CERS6: variants seen among roughly 807,000 people sequenced by gnomAD.
CERS6 encodes the protein LAG1 homolog, ceramide synthase 6.
Under a neutral mutation model 56.8 loss-of-function variants are expected in CERS6, and 26 were observed. That is an observed-to-expected ratio of 0.46 (90% CI 0.34 to 0.63). CERS6 has a LOEUF of 0.63. Ranked by LOEUF, CERS6 falls within the 30% of genes least tolerant of loss-of-function variation. CERS6 has a pLI of 0.01. For synonymous variants in CERS6, 164 were observed against 173.3 expected, an observed-to-expected ratio of 0.95 and a Z score of 0.42; for missense variants, 415 against 467.5, an observed-to-expected ratio of 0.89 and a Z score of 1.04.
intron 4 of CERS6, among the ~76,000 whole-genome samples, chr2:168,677,153 A>T (rs902985515): frequency 6.6e-6 from 1 of 151,722 alleles, no homozygotes; most frequent in Non-Finnish European, 1.5e-5. Context: ...ATTTCTCCTG[A>T]CGCTATCCCT....
At chr2:168,586,692 G>C (rs1441258785) in intron 3 of CERS6, among the ~76,000 whole-genome samples, 1 of 152,080 alleles carries the variant, frequency 6.6e-6, no homozygotes, top group Non-Finnish European at 1.5e-5. Context: ...ATTCAGGCTT[G>C]AATTCTGTCT....
chr2:168,635,449 G>A (rs1684841475), intron 4 of CERS6, among the ~76,000 whole-genome samples: 1 of 152,144 alleles, frequency 6.6e-6, no homozygotes, highest in Non-Finnish European at 1.5e-5. Context: ...ACAGAAAGGA[G>A]CAAGTCCCAT....
intron 8 of CERS6, among the ~76,000 whole-genome samples, chr2:168,732,463 A>G (rs929914030): frequency 6.6e-6 from 1 of 152,188 alleles, no homozygotes; most frequent in Non-Finnish European, 1.5e-5. Flanking sequence ...ACTTAATTCA[A>G]TCTAATATAG....
intron 4 of CERS6, among the ~76,000 whole-genome samples, chr2:168,635,942 T>G (rs1413937296): frequency 6.6e-6 from 1 of 152,216 alleles, no homozygotes. Context: ...GGAACAAGAT[T>G]GTAATTTTTT....
intron 4 of CERS6, among the ~76,000 whole-genome samples, chr2:168,639,305 C>G (rs764161738): frequency 9.9e-5 from 15 of 152,128 alleles, no homozygotes; most frequent in Non-Finnish European, 2.1e-4. Context: ...CTAGTAACTC[C>G]CAGAAGATTC....
rs11396816 is a variant in CERS6, at chr2:168,588,080, A to ATTTTTTT, written c.407+26769_407+26775dup. Among the ~76,000 whole-genome samples the ATTTTTTT allele has an allele frequency of 3.3e-3, 453 of 138,498 alleles. 5 individuals carry two copies. The highest frequency in any genetic ancestry group is 0.011 in the African/African-American group (419 of 37,192). 90.9% of individuals were successfully genotyped at this position (138,498 alleles called of 152,430 possible). Reference sequence around the variant, plus strand: ...AGATGTATGCCACCATACCTGGCTAATTTTTTTTTTTTTTTTTGGTAGAGA... The same window carrying ATTTTTTT: ...AGATGTATGCCACCATACCTGGCTAATTTTTTTTTTTTTTTTTTTTTTTTGGTAGAGA... On this transcript the variant is annotated intron_variant, in intron 3 of 9. Coordinates refer to ENST00000305747, the MANE Select transcript of CERS6 (RefSeq NM_203463.3).
intron 3 of CERS6, among the ~76,000 whole-genome samples, chr2:168,607,146 T>G (rs757720073): frequency 4.6e-5 from 7 of 152,030 alleles, no homozygotes; most frequent in Middle Eastern, 3.4e-3. Context: ...TTAAATGGTT[T>G]TTACATTTTT....
intron 6 of CERS6, among the ~76,000 whole-genome samples, chr2:168,711,846 A>G (rs1687100291): frequency 1.3e-5 from 2 of 152,164 alleles, no homozygotes; most frequent in African/African-American, 4.8e-5. Flanking sequence ...TAATTGTTCA[A>G]GACACCTATA....
Position 168,475,173 on chromosome 2 carries a change from GTA to G in CERS6, c.170+18557_170+18558del, listed in dbSNP as rs1165846916. Reference sequence around the variant, plus strand: ...TTTTTTTATACCAATAGGATGGCATGTATTAACATTTTTTGACTTTTATGAAA... The same window carrying G: ...TTTTTTTATACCAATAGGATGGCATGTTAACATTTTTTGACTTTTATGAAA... On this transcript the variant is annotated intron_variant, in intron 1 of 9. Coordinates refer to ENST00000305747, the MANE Select transcript of CERS6 (RefSeq NM_203463.3). Among the ~76,000 whole-genome samples the G allele has an allele frequency of 5.3e-5, 8 of 152,106 alleles. No homozygotes were observed. The East Asian group carries it at 1.2e-3, about 22-fold the overall frequency.
chr2:168,536,931 AT>A (rs1216170162), intron 1 of CERS6, among the ~76,000 whole-genome samples: 1 of 150,594 alleles, frequency 6.6e-6, no homozygotes, highest in Admixed American at 6.6e-5. Context: ...AGATAGTAGA[AT>A]TTTGATGGGC....
rs183832225 is a variant in CERS6 at position 168,696,198 on chromosome 2, A to T, written c.609+1147A>T. On this transcript the variant is annotated intron_variant, in intron 6 of 9. Coordinates refer to ENST00000305747, the MANE Select transcript of CERS6 (RefSeq NM_203463.3). ...TTTTATTATTTATGCTTATTTTATG[A>T]ATGATGAAACTAAGCCTTACATACA... is the stretch of plus-strand genomic sequence containing the variant. Among the ~76,000 whole-genome samples, 5 of 152,298 alleles carry T rather than the reference A, an allele frequency of 3.3e-5. No homozygotes were observed. The East Asian group carries it at 9.7e-4, about 29-fold the overall frequency.
intron 1 of CERS6, among the ~76,000 whole-genome samples, chr2:168,466,018 T>C (rs1163113792): frequency 6.6e-6 from 1 of 152,070 alleles, no homozygotes; most frequent in Non-Finnish European, 1.5e-5. Flanking sequence ...TGCTTTTTTT[T>C]TTTTTTAACT....
chr2:168,670,672 T>C (rs1019165068), intron 4 of CERS6, among the ~76,000 whole-genome samples: 2 of 152,208 alleles, frequency 1.3e-5, no homozygotes, highest in Admixed American at 1.3e-4. Flanking sequence ...AGGCTTTTGC[T>C]CAAAGGTCAC....
chr2:168,662,511 C>G (rs899421656), intron 4 of CERS6, among the ~76,000 whole-genome samples: 2 of 151,996 alleles, frequency 1.3e-5, no homozygotes, highest in Non-Finnish European at 2.9e-5. Flanking sequence ...GGTAGATCAC[C>G]TGAGGTCAGG....
chr2:168,660,545 T>C (rs951948353), intron 4 of CERS6, among the ~76,000 whole-genome samples: 1 of 152,168 alleles, frequency 6.6e-6, no homozygotes, highest in Non-Finnish European at 1.5e-5. Flanking sequence ...AACAAACATA[T>C]GGTAAGAAAA....
chr2:168,610,162 A>G (rs951756426), intron 3 of CERS6, among the ~76,000 whole-genome samples: 12 of 151,956 alleles, frequency 7.9e-5, no homozygotes, highest in African/African-American at 2.9e-4. Context: ...TATTTTTAGT[A>G]GAGACGGGGT....
At chr2:168,488,633 C>T (rs906099697) in intron 1 of CERS6, among the ~76,000 whole-genome samples, 6 of 151,992 alleles carry the variant, frequency 3.9e-5, no homozygotes, top group Admixed American at 6.6e-5. Flanking sequence ...TTTCTTCCCC[C>T]TTTTTCTGTC....
At chr2:168,728,606 C>T (rs151012974) in intron 8 of CERS6, among the ~76,000 whole-genome samples, 40 of 150,820 alleles carry the variant, frequency 2.7e-4, no homozygotes, top group African/African-American at 9.5e-4. Context: ...AGGCTGGTCT[C>T]GAACTCCTGA....
Position 168,769,594 on chromosome 2 carries a change from A to G in CERS6, c.1087A>G (p.Thr363Ala). ...TCCGGGAAAGAATCCCCACACTGCG[A>G]CAACCACCAATGGGACCAGTGGTAC... The part of the protein sequence containing the change: ...EPPGKNPHTA[T>A]TTNGTSGTNG... Residue 363 changes from threonine to alanine, a missense_variant, in exon 10 of 10, where the codon ACA (threonine) becomes GCA (alanine). Thr to Ala is a moderately conservative substitution (Grantham distance 58, BLOSUM62 0). Coordinates refer to ENST00000305747, the MANE Select transcript of CERS6 (RefSeq NM_203463.3). 1 of 1,612,756 alleles carries G rather than the reference A, an allele frequency of 6.2e-7. No individual in the cohort carries two copies. The highest frequency in any genetic ancestry group is 8.5e-7 in the Non-Finnish European group (1 of 1,179,656).
Sources: allele counts gnomAD v4.1 joint callset (sites outside exome capture counted in the v4.1 genomes callset), GRCh38; gene constraint gnomAD v4.1.1; transcripts MANE v1.5; gene names NCBI Gene and HGNC (gene_info 2026-07-23, HGNC 2026-07-21).